The following ANO4 variants were observed in gnomAD, a reference collection of about 807,000 sequenced individuals.
The protein encoded by ANO4 is anoctamin-4.
In ANO4, 69 loss-of-function variants were observed where a neutral mutation model predicts 141.9. The ratio of observed to expected loss-of-function variants is 0.49; its 90% confidence interval spans 0.40 to 0.59. The LOEUF (loss-of-function observed/expected upper bound fraction) is 0.59, where lower values mean the gene tolerates loss of function less well. ANO4 is among the 20% of genes least tolerant of loss of function. The pLI, the probability that ANO4 is intolerant of heterozygous loss-of-function variation, is 0.00. For missense variants in ANO4, 894 were observed against 1,162.2 expected (o/e 0.77, Z 3.36); for synonymous variants, 350 against 394.3 (o/e 0.89, Z 1.33).
In ANO4 at chr12:100,723,603, C is replaced by T. The variant is rs559133382; in HGVS notation, c.22+6056C>T. Among the ~76,000 whole-genome samples, 365 of 152,246 alleles carry T rather than the reference C, an allele frequency of 2.4e-3. 1 individual carries two copies. Among genetic ancestry groups the T allele is most frequent in the Middle Eastern group, 0.01 (3 of 294 alleles). On this transcript the variant is annotated intron_variant, in intron 1 of 29. Coordinates refer to the ANO4 transcript ENST00000644049. ...GTAAACCTATAAAATACACGGGAAA[C>T]GTGGACTAAATCAACACATTGATAT...
At chr12:101,000,702 T>A (rs1055698840) in intron 8 of ANO4, among the ~76,000 whole-genome samples, 2 of 152,188 alleles carry the variant, frequency 1.3e-5, no homozygotes, top group African/African-American at 4.8e-5. Context: ...GCCACGCATC[T>A]TGAGATTTGT....
intron 2 of ANO4, among the ~76,000 whole-genome samples, chr12:100,918,416 C>T (rs2041450881): frequency 6.6e-6 from 1 of 152,168 alleles, no homozygotes; most frequent in African/African-American, 2.4e-5. Context: ...TGAGGGATAA[C>T]TTCTGTACCT....
intron 1 of ANO4, among the ~76,000 whole-genome samples, chr12:100,837,879 A>G (rs1423485570): frequency 6.6e-6 from 1 of 152,176 alleles, no homozygotes; most frequent in Non-Finnish European, 1.5e-5. Context: ...TGTCTGATAC[A>G]AACATCATAG....
At chr12:101,122,320 T>C (rs1438470662) in intron 26 of ANO4, among the ~76,000 whole-genome samples, 1 of 152,210 alleles carries the variant, frequency 6.6e-6, no homozygotes, top group Non-Finnish European at 1.5e-5. Context: ...TTGCAAATAT[T>C]TTCTCCCATT....
In ANO4 at chr12:101,110,492, A is replaced by T; in HGVS notation, c.2238A>T (p.Arg746=). 1 of 1,611,732 alleles carries T rather than the reference A, an allele frequency of 6.2e-7. No homozygotes were observed. Among genetic ancestry groups the T allele is most frequent in the Non-Finnish European group, 8.5e-7 (1 of 1,178,908 alleles). The change falls in exon 23 of 28, where the codon CGA becomes CGT. Residue 746 remains arginine, a synonymous_variant. Coordinates refer to ENST00000392977, the MANE Select transcript of ANO4 (RefSeq NM_001286615.2). ...TACTGAATAACATAATTGAAATTCG[A>T]CTTGATGCTTACAAATTTGTCACAC... ...LALLNNIIEI[R]LDAYKFVTQW... is the part of the protein sequence containing the mutation.
chr12:101,058,274 A>G (rs2048207991), intron 14 of ANO4, among the ~76,000 whole-genome samples: 2 of 151,964 alleles, frequency 1.3e-5, no homozygotes, highest in Non-Finnish European at 2.9e-5. Flanking sequence ...GCCTTGTAGT[A>G]TAGTTTGAAG....
At chr12:100,985,203 G>A (rs933180274) in intron 7 of ANO4, among the ~76,000 whole-genome samples, 2 of 152,206 alleles carry the variant, frequency 1.3e-5, no homozygotes, top group African/African-American at 2.4e-5. Flanking sequence ...TCTAATTTAT[G>A]TGTCCATATA....
intron 1 of ANO4, among the ~76,000 whole-genome samples, chr12:100,822,437 C>A (rs2036105495): frequency 6.6e-6 from 1 of 151,964 alleles, no homozygotes; most frequent in Admixed American, 6.6e-5. Context: ...TAGCAGTCAC[C>A]CTGTTCAGGT....
upstream of ANO4, among the ~76,000 whole-genome samples, chr12:100,791,773 T>A (rs567833087): frequency 6.0e-4 from 92 of 152,298 alleles, no homozygotes; most frequent in African/African-American, 2.1e-3. Context: ...TGGGTGAGCG[T>A]TTTCAGCCTC....
At position 100,983,271 on chromosome 12, in the gene ANO4, TGAG is replaced by T. The variant is rs2044564578; in HGVS notation, c.603-4264_603-4262del. 2.0e-5 allele frequency among the ~76,000 whole-genome samples: 3 copies of T among 152,300 alleles called. No individual in the cohort carries two copies. The South Asian group carries it at 6.2e-4, about 32-fold the overall frequency. On this transcript the variant is annotated intron_variant, in intron 7 of 27. Coordinates refer to ENST00000392977, the MANE Select transcript of ANO4 (RefSeq NM_001286615.2). ...AGCCTGGCTAGCTGTTGCCAGGTCT[TGAG>T]GAGAGGATCAGACCGAGAGTGTTTT...
At chr12:101,107,127 G>A (rs1342746641) in intron 22 of ANO4, among the ~76,000 whole-genome samples, 2 of 152,138 alleles carry the variant, frequency 1.3e-5, no homozygotes, top group Non-Finnish European at 2.9e-5. Context: ...CTAAACTCTA[G>A]TTGCTTTTTC....
At chr12:100,919,075 AAG>A (rs2041483363) in intron 2 of ANO4, among the ~76,000 whole-genome samples, 3 of 152,342 alleles carry the variant, frequency 2.0e-5, no homozygotes, top group East Asian at 3.8e-4. Context: ...GATATAAAGA[AAG>A]AAAATATTTT....
chr12:100,955,514 G>A (rs923261114), intron 5 of ANO4, among the ~76,000 whole-genome samples: 1 of 152,202 alleles, frequency 6.6e-6, no homozygotes, highest in Admixed American at 6.5e-5. Flanking sequence ...ACTCCACTGG[G>A]AAAGGCAGAA....
chr12:100,903,228 C>G (rs1197673991), intron 2 of ANO4, among the ~76,000 whole-genome samples: 3 of 152,296 alleles, frequency 2.0e-5, no homozygotes, highest in South Asian at 2.1e-4. Flanking sequence ...ATGCACCAGA[C>G]CAAGGTGGAC....
chr12:100,754,894 A>G (rs867769), intron 3 of ANO4, among the ~76,000 whole-genome samples: 108,446 of 152,008 alleles, frequency 0.71, 39,097 homozygotes, highest in East Asian at 0.82. Context: ...CAGATTTGTG[A>G]TTGCCAGGGG....
intron 1 of ANO4, among the ~76,000 whole-genome samples, chr12:100,890,086 A>G (rs927746669): frequency 1.3e-5 from 2 of 150,434 alleles, no homozygotes; most frequent in African/African-American, 5.0e-5. Flanking sequence ...TATAATTATG[A>G]TACTAAGTAC....
In ANO4 at chr12:101,015,869, T is replaced by TGA. The variant is rs368966067; in HGVS notation, c.735-4150_735-4149dup. Among the ~76,000 whole-genome samples the TGA allele has an allele frequency of 2.6e-3, 399 of 151,288 alleles. 2 individuals carry two copies. The highest frequency in any genetic ancestry group is 8.8e-3 in the African/African-American group (362 of 41,262). ...AGGGGATGGGGGATATGTGTGTGTA[T>TGA]GAGAGAGAGAGAGAGACTTCATTTG... On this transcript the variant is annotated intron_variant, in intron 8 of 27. Transcript: ENST00000392977.
chr12:101,067,244 T>TA (rs2048632709), intron 14 of ANO4, among the ~76,000 whole-genome samples: 1 of 152,232 alleles, frequency 6.6e-6, no homozygotes, highest in African/African-American at 2.4e-5. Context: ...CATACAGGCT[T>TA]ACATTATTTA....
At chr12:100,923,349 A>G (rs947397999) in intron 3 of ANO4, among the ~76,000 whole-genome samples, 5 of 140,708 alleles carry the variant, frequency 3.6e-5, no homozygotes, top group African/African-American at 1.4e-4. Context: ...AAATCATCTC[A>G]TTGTTCATTT....
Sources: gnomAD v4.1 joint callset for allele counts (sites outside exome capture counted in the v4.1 genomes callset) on GRCh38, gnomAD v4.1.1 for gene constraint, MANE v1.5 for transcripts, NCBI Gene and HGNC (gene_info 2026-07-23, HGNC 2026-07-21) for gene names.